Variants in TTC34 observed in about 807,000 individuals in gnomAD.
The protein encoded by TTC34 is tetratricopeptide repeat protein 34.
In TTC34, 44 loss-of-function variants were observed where a neutral mutation model predicts 40.7. The observed-to-expected ratio is 1.08, with a 90% CI of 0.85 to 1.39. The LOEUF (loss-of-function observed/expected upper bound fraction) is 1.39. Among genes scored for constraint, TTC34 ranks in the 40% most tolerant of loss-of-function variants. The pLI, the probability that TTC34 is intolerant of heterozygous loss-of-function variation, is 0.00. For missense variants in TTC34, 884 were observed against 838.0 expected (o/e 1.05, Z -0.68); for synonymous variants, 422 against 398.6 (o/e 1.06, Z -0.70).
chr1:2,650,099 G>C (rs1374315697), intron 6 of TTC34, among the ~76,000 whole-genome samples: 2 of 150,650 alleles, frequency 1.3e-5, no homozygotes, highest in African/African-American at 4.9e-5. Context: ...GCATCCCCAG[G>C]TGAACATCTG....
intron 6 of TTC34, among the ~76,000 whole-genome samples, chr1:2,751,763 C>G (rs1641328211): frequency 6.7e-6 from 1 of 150,216 alleles, no homozygotes; most frequent in African/African-American, 2.5e-5. Context: ...GAGCAGCACC[C>G]CACACCCACA....
At chr1:2,699,569 C>A (rs1569654621) in intron 6 of TTC34, among the ~76,000 whole-genome samples, 7 of 135,600 alleles carry the variant, frequency 5.2e-5, no homozygotes, top group African/African-American at 1.3e-4. Flanking sequence ...GAGCAGCACC[C>A]ACACCCCCAG....
chr1:2,654,137 C>A (rs1386701747), intron 6 of TTC34, among the ~76,000 whole-genome samples: 3 of 140,362 alleles, frequency 2.1e-5, no homozygotes, highest in African/African-American at 8.5e-5. Context: ...CACCCCCAGG[C>A]GAGCATCTGA....
chr1:2,652,439 C>G (rs1439201761), intron 6 of TTC34, among the ~76,000 whole-genome samples: 6 of 151,794 alleles, frequency 4.0e-5, no homozygotes, highest in Admixed American at 6.6e-5. Context: ...GGAACAGCAC[C>G]CACACCCCCA....
rs1255677307 is a variant in TTC34 at position 2,755,656 on chromosome 1, C to G, written c.2226+27953G>C. Among the ~76,000 whole-genome samples, 8 of 120,830 alleles carry G rather than the reference C, an allele frequency of 6.6e-5. 1 individual carries two copies. The highest frequency in any genetic ancestry group is 5.0e-4 in the Admixed American group (6 of 11,966). 79.3% of individuals were successfully genotyped at this position (120,830 alleles called of 152,430 possible). On this transcript the variant is annotated intron_variant, in intron 6 of 8. Transcript: ENST00000401095. ...GCGCATCTGATGGTCTGGAGCAGCA[C>G]CCACAACCACAGGTGAGCATCTGAC...
intron 6 of TTC34, among the ~76,000 whole-genome samples, chr1:2,683,466 C>A (rs1448744490): frequency 6.6e-6 from 1 of 151,452 alleles, no homozygotes; most frequent in Non-Finnish European, 1.5e-5. Context: ...TGGAGCAGCA[C>A]CCACACCACC....
At chr1:2,784,500 A>G (rs1186439517) in intron 5 of TTC34, among the ~76,000 whole-genome samples, 1 of 151,784 alleles carries the variant, frequency 6.6e-6, no homozygotes, top group African/African-American at 2.4e-5. Flanking sequence ...GTGTTCCCTG[A>G]CTCCTCCAAG....
intron 6 of TTC34, among the ~76,000 whole-genome samples, chr1:2,651,307 C>T (rs191264496): frequency 6.6e-6 from 1 of 152,120 alleles, no homozygotes; most frequent in Admixed American, 6.5e-5. Flanking sequence ...TGGAATAGAA[C>T]TCCACACCGG....
intron 6 of TTC34, among the ~76,000 whole-genome samples, chr1:2,750,495 G>C (rs1641280439): frequency 7.2e-6 from 1 of 139,380 alleles, no homozygotes; most frequent in Admixed American, 7.1e-5. Flanking sequence ...CCCCAGTTGA[G>C]CATTGGACAG....
chr1:2,683,524 C>A (rs1192996255), intron 6 of TTC34, among the ~76,000 whole-genome samples: 2 of 148,716 alleles, frequency 1.3e-5, no homozygotes, highest in Non-Finnish European at 3.0e-5. Flanking sequence ...ACCAGGTGAG[C>A]ATCTGATGGT....
chr1:2,757,589 AT>A (rs1641548583), intron 6 of TTC34, among the ~76,000 whole-genome samples: 1 of 142,382 alleles, frequency 7.0e-6, no homozygotes, highest in African/African-American at 2.7e-5. Context: ...CAGCACCCAC[AT>A]CGCCAGGCGA....
chr1:2,683,249 T>G (rs1287248727), intron 6 of TTC34, among the ~76,000 whole-genome samples: 1 of 126,334 alleles, frequency 7.9e-6, no homozygotes. Context: ...GAGCATCTGA[T>G]GGTTTGCAGC....
At chr1:2,750,704 A>T (rs1641290320) in intron 6 of TTC34, among the ~76,000 whole-genome samples, 4 of 145,596 alleles carry the variant, frequency 2.7e-5, no homozygotes, top group Admixed American at 6.9e-5. Context: ...TGAGCATCCG[A>T]CAGCCTGGAG....
At chr1:2,773,144 G>C (rs528257856) in intron 6 of TTC34, among the ~76,000 whole-genome samples, 1 of 148,222 alleles carries the variant, frequency 6.7e-6, no homozygotes, top group South Asian at 2.1e-4. Context: ...ACAACCCCAG[G>C]CGAGCATCTG....
At chr1:2,658,201 A>ACAG (rs1639420115) in intron 6 of TTC34, among the ~76,000 whole-genome samples, 1 of 109,310 alleles carries the variant, frequency 9.1e-6, no homozygotes, top group African/African-American at 2.9e-5. Flanking sequence ...TGAGCATCTG[A>ACAG]TGATCTGGAG....
At chr1:2,700,728 GCACCCTC>G (rs1279823819) in intron 6 of TTC34, among the ~76,000 whole-genome samples, 1 of 98,922 alleles carries the variant, frequency 1.0e-5, no homozygotes, top group African/African-American at 3.0e-5. Context: ...ACCTGGGAAA[GCACCCTC>G]CACCCACACG....
At chr1:2,749,049 T>A (rs1641234306) in intron 6 of TTC34, among the ~76,000 whole-genome samples, 14 of 95,842 alleles carry the variant, frequency 1.5e-4, no homozygotes, top group African/African-American at 2.6e-4. Flanking sequence ...CACCCCCAGG[T>A]GAGAATCCGA....
chr1:2,696,269 A>AC (rs1640861045), intron 6 of TTC34, among the ~76,000 whole-genome samples: 3 of 88,824 alleles, frequency 3.4e-5, no homozygotes, highest in Non-Finnish European at 7.0e-5. Flanking sequence ...ATGTAACAGC[A>AC]CCCACACCCC....
chr1:2,683,601 G>A (rs541217159), intron 6 of TTC34, among the ~76,000 whole-genome samples: 8 of 144,010 alleles, frequency 5.6e-5, no homozygotes, highest in Non-Finnish European at 1.2e-4. Flanking sequence ...ACACTCAGGC[G>A]AGCATCTGAC....
Sources: allele counts gnomAD v4.1 joint callset (sites outside exome capture counted in the v4.1 genomes callset), GRCh38; gene constraint gnomAD v4.1.1; transcripts MANE v1.5; gene names NCBI Gene and HGNC (gene_info 2026-07-23, HGNC 2026-07-21).